Variants in LRRC42 observed in about 807,000 individuals in gnomAD.
LRRC42 encodes leucine-rich repeat-containing protein 42.
Under a neutral mutation model 44.3 loss-of-function variants are expected in LRRC42, and 43 were observed. The observed-to-expected ratio is 0.97, with a 90% CI of 0.76 to 1.25. The LOEUF is 1.25. LRRC42 is among the 50% of genes most tolerant of loss of function. The pLI is 0.00. For missense variants in LRRC42, 540 were observed against 509.1 expected, an observed-to-expected ratio of 1.06 and a Z score of -0.58; for synonymous variants, 207 against 195.2, an observed-to-expected ratio of 1.06 and a Z score of -0.50.
rs562169825 is a variant in LRRC42, at chr1:53,950,613, T to C, written c.-14-1373T>C. On this transcript the variant is annotated intron_variant, in intron 2 of 8. Coordinates refer to ENST00000371370, the MANE Select transcript of LRRC42 (RefSeq NM_001256409.2). ...AAACTCAATCAGATTATTTTAGGGATATTATCAGGCATGTATGATATTCTA... is the reference window on the plus strand; with the variant it reads ...AAACTCAATCAGATTATTTTAGGGACATTATCAGGCATGTATGATATTCTA... Among the ~76,000 whole-genome samples, 58 of 152,370 alleles carry C rather than the reference T, an allele frequency of 3.8e-4. 1 individual carries two copies. Among genetic ancestry groups the C allele is most frequent in the Admixed American group, 1.1e-3 (17 of 15,310 alleles).
intron 7 of LRRC42, among the ~76,000 whole-genome samples, chr1:53,963,407 G>A (rs1655046062): frequency 6.6e-6 from 1 of 152,216 alleles, no homozygotes; most frequent in Admixed American, 6.5e-5. Flanking sequence ...CAGGTGACAT[G>A]GTGGAAAGAG....
rs768524659 is a variant in LRRC42 at position 53,967,937 on chromosome 1, T to C, written c.1285T>C (p.Ter429ArgextTer6). ...VEDWDLLNSY[*>R] Reference sequence around the variant, plus strand: ...AGACTGGGACTTGTTAAATTCCTATTGATTAGTAGATACAAGTTGACCTTT... The same window carrying C: ...AGACTGGGACTTGTTAAATTCCTATCGATTAGTAGATACAAGTTGACCTTT... The change falls in exon 9 of 9, where the codon TGA (stop) becomes CGA (arginine). Residue 429 changes from the stop codon to arginine, a stop_lost. Transcript: ENST00000371370. 2.5e-6 allele frequency: 4 copies of C among 1,611,364 alleles called. No individual in the cohort carries two copies. Among genetic ancestry groups the C allele is most frequent in the Non-Finnish European group, 3.4e-6 (4 of 1,177,902 alleles).
At position 53,968,008 on chromosome 1, in the gene LRRC42, A is replaced by G. The variant is rs141429006; in HGVS notation, c.*69A>G. The G allele has an allele frequency of 9.3e-6, 14 of 1,510,796 alleles. No homozygotes were observed. In the African/African-American group the frequency reaches 1.1e-4, roughly 12 times the overall value. The allele number at this position is 1,510,796 out of a possible 1,614,324, so 93.6% of individuals were successfully genotyped here. ...GTTTGAGTAAAGGAGACTGAGGATG[A>G]TTTACTTTTTGTTTGAATTTACCTA... is the stretch of plus-strand genomic sequence containing the variant. On this transcript the variant is annotated 3_prime_UTR_variant, in exon 9 of 9. Transcript: ENST00000371370.
chr1:53,961,555 G>C (rs903508601), intron 5 of LRRC42, among the ~76,000 whole-genome samples: 1 of 152,200 alleles, frequency 6.6e-6, no homozygotes, highest in African/African-American at 2.4e-5. Context: ...ACTCTCTGAC[G>C]TGAGAAAGTA....
intron 4 of LRRC42, 61 bp downstream of exon 4, chr1:53,958,341 ACAGGATTATCTT>A: frequency 6.3e-7 from 1 of 1,591,712 alleles, no homozygotes; most frequent in Non-Finnish European, 8.6e-7. Flanking sequence ...GGCTGATCCA[ACAGGATTATCTT>A]CAGGAATGCT....
At position 53,966,325 on chromosome 1, in the gene LRRC42, G is replaced by A. The variant is rs377131065; in HGVS notation, c.957G>A (p.Ala319=). The stretch of plus-strand genomic sequence containing the variant: ...TTCTGCAGTGGGAGCGTGTGACTGC[G>A]GAAGCTGTGAAGCCACGGGAGACCT... ...QIVLQWERVT[A]EAVKPRETSE... Residue 319 remains alanine, a synonymous_variant, in exon 8 of 9, where the codon GCG becomes GCA. Transcript: ENST00000371370. 1.5e-5 allele frequency: 24 copies of A among 1,613,692 alleles called. No homozygotes were observed. The African/African-American group carries it at 1.6e-4, about 11-fold the overall frequency.
At chr1:53,949,517 A>G (rs915761726) in intron 2 of LRRC42, among the ~76,000 whole-genome samples, 3 of 152,228 alleles carry the variant, frequency 2.0e-5, no homozygotes, top group African/African-American at 2.4e-5. Flanking sequence ...TGGAGCTCTG[A>G]ATGTTAAATG....
At chr1:53,961,827 A>G (rs1029516050) in intron 5 of LRRC42, 12 of 524,160 alleles carry the variant, frequency 2.3e-5, no homozygotes, top group Non-Finnish European at 6.7e-6. Flanking sequence ...AAGAGCTGTA[A>G]AGGATCTTTA....
chr1:53,959,526 C>A (rs1250423168), intron 4 of LRRC42, among the ~76,000 whole-genome samples: 1 of 152,194 alleles, frequency 6.6e-6, no homozygotes, highest in East Asian at 1.9e-4. Flanking sequence ...TGAGGCTAGC[C>A]AGCATCAAGG....
At chr1:53,959,610 G>A (rs1654938199) in intron 4 of LRRC42, among the ~76,000 whole-genome samples, 1 of 152,190 alleles carries the variant, frequency 6.6e-6, no homozygotes, top group Non-Finnish European at 1.5e-5. Flanking sequence ...ATTGGATTAT[G>A]GGTATACCTT....
Position 53,968,058 on chromosome 1 carries a change from T to C in LRRC42, c.*119T>C, listed in dbSNP as rs892836719. The stretch of plus-strand genomic sequence containing the variant: ...ATGGCATTAGCATAGTAAGCAGATA[T>C]TTCTACTTTTGTGGTGTGGGAGGGG... On this transcript the variant is annotated 3_prime_UTR_variant, in exon 9 of 9. Coordinates refer to ENST00000371370, the MANE Select transcript of LRRC42 (RefSeq NM_001256409.2). 1.3e-5 allele frequency: 14 copies of C among 1,082,106 alleles called. No individual in the cohort carries two copies. Among genetic ancestry groups the C allele is most frequent in the Non-Finnish European group, 1.9e-5 (14 of 748,714 alleles). The allele number at this position is 1,082,106 out of a possible 1,614,324, so 67.0% of individuals were successfully genotyped here.
chr1:53,951,582 G>A (rs1342538838), intron 2 of LRRC42, among the ~76,000 whole-genome samples: 1 of 152,076 alleles, frequency 6.6e-6, no homozygotes, highest in African/African-American at 2.4e-5. Flanking sequence ...GCACTACCAC[G>A]CTCGGCTAAT....
intron 4 of LRRC42, among the ~76,000 whole-genome samples, chr1:53,959,851 C>A (rs1159693524): frequency 1.3e-5 from 2 of 152,058 alleles, no homozygotes; most frequent in Admixed American, 6.5e-5. Flanking sequence ...TGCCCTCTGC[C>A]CTCTGAAATT....
Position 53,962,426 on chromosome 1 carries a change from T to C in LRRC42, c.927+17T>C, listed in dbSNP as rs1398896519. The stretch of plus-strand genomic sequence containing the variant: ...GCTGACCAGGTACTCCAGATTTTTC[T>C]TCCTTGCGGTTGATGCAGCTTTTCA... On this transcript the variant is annotated intron_variant, in intron 7 of 8. Transcript: ENST00000371370. 2 of 1,471,302 alleles carry C rather than the reference T, an allele frequency of 1.4e-6. No individual in the cohort carries two copies. The highest frequency in any genetic ancestry group is 9.5e-7 in the Non-Finnish European group (1 of 1,050,200). 91.1% of individuals were successfully genotyped at this position (1,471,302 alleles called of 1,614,324 possible).
Position 53,962,299 on chromosome 1 carries a change from A to G in LRRC42, c.817A>G (p.Ile273Val), listed in dbSNP as rs746084112. ...TGATCTGTCTCTGCCTCACTAGGACATCAAAACCGTCAAGCACAAGCTCCA... is the reference window on the plus strand; with the variant it reads ...TGATCTGTCTCTGCCTCACTAGGACGTCAAAACCGTCAAGCACAAGCTCCA... Reference protein sequence around the residue: ...LDISGTGLKDIKTVKHKLQTH... With the variant: ...LDISGTGLKDVKTVKHKLQTH... Residue 273 changes from isoleucine to valine, a missense_variant, in exon 7 of 9, where the codon ATC (isoleucine) becomes GTC (valine). Physicochemically the swap from Ile to Val is conservative, Grantham distance 29. Transcript: ENST00000371370. 3.1e-6 allele frequency: 5 copies of G among 1,612,916 alleles called. No individual in the cohort carries two copies. The highest frequency in any genetic ancestry group is 3.3e-4 in the Middle Eastern group (2 of 6,060).
rs1655179829 is a variant in LRRC42 at position 53,968,071 on chromosome 1, G to A, written c.*132G>A. 1 of 873,752 alleles carries A rather than the reference G, an allele frequency of 1.1e-6. No homozygotes were observed. The allele number at this position is 873,752 out of a possible 1,614,324, so 54.1% of individuals were successfully genotyped here. A position where few individuals can be genotyped will look rare whatever the true frequency, so the allele number is the denominator to read the frequency against. On this transcript the variant is annotated 3_prime_UTR_variant, in exon 9 of 9. Transcript: ENST00000371370. The stretch of plus-strand genomic sequence containing the variant: ...AGTAAGCAGATATTTCTACTTTTGT[G>A]GTGTGGGAGGGGAATGCTATGGAAG...
chr1:53,955,357 C>T (rs1045510549), intron 3 of LRRC42, among the ~76,000 whole-genome samples: 19 of 152,014 alleles, frequency 1.2e-4, no homozygotes, highest in Non-Finnish European at 2.4e-4. Flanking sequence ...AGTGCAGTGG[C>T]GTGATCTTGG....
rs774425058 is a variant in LRRC42 at position 53,952,293 on chromosome 1, C to A, written c.294C>A (p.Ser98=). 2 of 1,614,200 alleles carry A rather than the reference C, an allele frequency of 1.2e-6. No individual in the cohort carries two copies. The part of the protein sequence containing the change: ...SLFSLVLGFI[S]DNVDHIDSLI... ...TCAGCCTTGTCCTGGGTTTCATCTC[C>A]GACAATGTGGATCACATTGATTCCC... The change falls in exon 3 of 9, where the codon TCC becomes TCA. Residue 98 remains serine, a synonymous_variant. Coordinates refer to ENST00000371370, the MANE Select transcript of LRRC42 (RefSeq NM_001256409.2).
chr1:53,955,295 G>A (rs1296735009), intron 3 of LRRC42, among the ~76,000 whole-genome samples: 1 of 151,910 alleles, frequency 6.6e-6, no homozygotes, highest in Non-Finnish European at 1.5e-5. Flanking sequence ...GAAAATATAG[G>A]AAACTTTTTT....
Sources: gnomAD v4.1 joint callset for allele counts (sites outside exome capture counted in the v4.1 genomes callset) on GRCh38, gnomAD v4.1.1 for gene constraint, MANE v1.5 for transcripts, NCBI Gene and HGNC (gene_info 2026-07-23, HGNC 2026-07-21) for gene names.